The following RBFOX2 variants were observed in gnomAD, a reference collection of about 807,000 sequenced individuals.
RBFOX2 encodes RNA binding fox-1 homolog 2, also known as RNA binding protein fox-1 homolog 2.
In RBFOX2, 10 loss-of-function variants were observed where a neutral mutation model predicts 49.1. The ratio of observed to expected loss-of-function variants is 0.20; its 90% CI spans 0.13 to 0.35. The LOEUF (loss-of-function observed/expected upper bound fraction) is 0.35. Ranked by LOEUF, RBFOX2 falls within the 10% of genes least tolerant of loss-of-function variation. The pLI, the probability that RBFOX2 is intolerant of heterozygous loss-of-function variation, is 1.00. For missense variants in RBFOX2, 323 were observed against 486.9 expected (o/e 0.66, Z 3.17); for synonymous variants, 183 against 187.4 (o/e 0.98, Z 0.19).
chr22:35,928,275 C>G (rs1376524984), intron 1 of RBFOX2, among the ~76,000 whole-genome samples: 1 of 152,054 alleles, frequency 6.6e-6, no homozygotes, highest in Non-Finnish European at 1.5e-5. Flanking sequence ...GTCTGTCTGT[C>G]TGTCTGCAGA....
chr22:35,828,747 A>G (rs1956241278), intron 1 of RBFOX2, among the ~76,000 whole-genome samples: 2 of 152,248 alleles, frequency 1.3e-5, no homozygotes, highest in South Asian at 4.1e-4. Flanking sequence ...CCTGTCTAAC[A>G]AAGCTTAAAA....
At chr22:35,764,546 G>C (rs565299077) in intron 6 of RBFOX2, among the ~76,000 whole-genome samples, 30 of 148,152 alleles carry the variant, frequency 2.0e-4, no homozygotes, top group African/African-American at 4.0e-4. Context: ...GATTGCGCCA[G>C]TGCACTCCAG....
chr22:35,795,204 T>C (rs1460164780), intron 2 of RBFOX2, among the ~76,000 whole-genome samples: 1 of 152,112 alleles, frequency 6.6e-6, no homozygotes, highest in Non-Finnish European at 1.5e-5. Flanking sequence ...ACAGGATATA[T>C]ATATTTTATG....
chr22:35,914,331 C>G (rs577208381), intron 1 of RBFOX2, among the ~76,000 whole-genome samples: 1 of 152,268 alleles, frequency 6.6e-6, no homozygotes, highest in African/African-American at 2.4e-5. Context: ...AATGCTTTTC[C>G]CCTAAACCTC....
At position 35,877,295 on chromosome 22, in the gene RBFOX2, GA is replaced by G. The variant is rs369695710; in HGVS notation, c.-34+61551del. Among the ~76,000 whole-genome samples, 340 of 151,768 alleles carry G rather than the reference GA, an allele frequency of 2.2e-3. 3 individuals are homozygous for G. Among genetic ancestry groups the G allele is most frequent in the Middle Eastern group, 0.01 (3 of 292 alleles). On this transcript the variant is annotated intron_variant, in intron 1 of 13. Transcript: ENST00000359369. ...AAGGACAGGAAGGGAGAAAGGAAGA[GA>G]AAAAAAAGAGGGGAAAATGTGGATA...
chr22:35,807,449 G>A (rs1421131736), intron 2 of RBFOX2, among the ~76,000 whole-genome samples: 1 of 151,820 alleles, frequency 6.6e-6, no homozygotes, highest in Non-Finnish European at 1.5e-5. Context: ...AAAGAAATTT[G>A]GGGGAAATCC....
intron 1 of RBFOX2, among the ~76,000 whole-genome samples, chr22:36,016,434 G>C (rs2146455997): frequency 6.6e-6 from 1 of 151,942 alleles, no homozygotes; most frequent in African/African-American, 2.4e-5. Context: ...CTTTGCTTGT[G>C]GTATTTCCAG....
intron 2 of RBFOX2, among the ~76,000 whole-genome samples, chr22:35,784,725 T>C (rs1421964322): frequency 1.3e-5 from 2 of 152,252 alleles, no homozygotes; most frequent in Non-Finnish European, 2.9e-5. Flanking sequence ...ATGCAGTCGA[T>C]GATGCCCTTC....
intron 1 of RBFOX2, among the ~76,000 whole-genome samples, chr22:35,917,079 A>G (rs962315062): frequency 3.9e-5 from 6 of 152,218 alleles, no homozygotes; most frequent in Admixed American, 6.5e-5. Context: ...CCATCCCATC[A>G]TGAATGGTAA....
chr22:35,774,381 A>G (rs538983598), intron 4 of RBFOX2, among the ~76,000 whole-genome samples: 2 of 152,258 alleles, frequency 1.3e-5, no homozygotes, highest in East Asian at 3.9e-4. Flanking sequence ...TATATGAATA[A>G]ATTAGTTAAT....
rs546471336 is a variant in RBFOX2, at chr22:35,855,483, T to C, written c.-33-45479A>G. Among the ~76,000 whole-genome samples, 349 of 152,240 alleles carry C rather than the reference T, an allele frequency of 2.3e-3. 3 individuals carry two copies. The highest frequency in any genetic ancestry group is 7.9e-3 in the African/African-American group (328 of 41,564). On this transcript the variant is annotated intron_variant, in intron 1 of 13. Transcript: ENST00000359369. Reference sequence around the variant, plus strand: ...GTGCTATGGCACAATCTCAGCTCACTGCAACCTCTGCCTTCTAGGTTCAAG... The same window carrying C: ...GTGCTATGGCACAATCTCAGCTCACCGCAACCTCTGCCTTCTAGGTTCAAG...
chr22:36,012,160 G>A (rs775072496), intron 1 of RBFOX2, among the ~76,000 whole-genome samples: 11 of 152,154 alleles, frequency 7.2e-5, no homozygotes, highest in Non-Finnish European at 1.3e-4. Context: ...CAGCTGTCAG[G>A]TAACAGGTAA....
At chr22:35,959,414 C>T (rs1238669303) in intron 1 of RBFOX2, among the ~76,000 whole-genome samples, 4 of 152,198 alleles carry the variant, frequency 2.6e-5, no homozygotes, top group Non-Finnish European at 5.9e-5. Flanking sequence ...TATCTATACA[C>T]TGGTTTAGCC....
In RBFOX2 at chr22:35,937,436, T is replaced by C. The variant is rs543890706; in HGVS notation, c.-34+1411A>G. 8.5e-5 allele frequency among the ~76,000 whole-genome samples: 13 copies of C among 152,266 alleles called. No homozygotes were observed. In the South Asian group the frequency reaches 1.9e-3, roughly 22 times the overall value. ...AACACAGAGCTAACAACACTTCTTC[T>C]CCCGATGCCTTATCTGGGGCCACTC... On this transcript the variant is annotated intron_variant, in intron 1 of 13. Transcript: ENST00000359369.
intron 1 of RBFOX2, among the ~76,000 whole-genome samples, chr22:35,837,572 C>T (rs1050897876): frequency 1.6e-4 from 24 of 152,062 alleles, no homozygotes; most frequent in African/African-American, 5.8e-4. Flanking sequence ...AAGACTTGGC[C>T]CAGCTGGTTA....
intron 1 of RBFOX2, among the ~76,000 whole-genome samples, chr22:36,015,400 C>T (rs1405921525): frequency 6.6e-6 from 1 of 152,164 alleles, no homozygotes; most frequent in Non-Finnish European, 1.5e-5. Context: ...CTACCAACTC[C>T]CTGTAAGCTT....
rs537601221 is a variant in RBFOX2 at position 35,776,546 on chromosome 22, T to C, written c.453+1479A>G. ...AGTGTACAGATGGGGACAGGAGGTA[T>C]ATAAACTCTGTTATCAATTCCCAAA... On this transcript the variant is annotated intron_variant, in intron 4 of 11. Coordinates refer to ENST00000405409, the Ensembl canonical transcript of RBFOX2. Among the ~76,000 whole-genome samples, 11 of 152,330 alleles carry C rather than the reference T, an allele frequency of 7.2e-5. No homozygotes were observed. In the South Asian group the frequency reaches 2.3e-3, roughly 32 times the overall value.
At chr22:35,849,929 C>G (rs1363885200) in intron 1 of RBFOX2, among the ~76,000 whole-genome samples, 1 of 152,124 alleles carries the variant, frequency 6.6e-6, no homozygotes, top group African/African-American at 2.4e-5. Context: ...TTTAAATTGA[C>G]AACTCAACCA....
At chr22:35,933,939 T>C (rs2052729243) in intron 1 of RBFOX2, among the ~76,000 whole-genome samples, 1 of 119,736 alleles carries the variant, frequency 8.4e-6, no homozygotes, top group African/African-American at 3.4e-5. Flanking sequence ...TATATATATA[T>C]ATATATATAT....
Sources: gnomAD v4.1 joint callset for allele counts (sites outside exome capture counted in the v4.1 genomes callset) on GRCh38, gnomAD v4.1.1 for gene constraint, MANE v1.5 for transcripts, NCBI Gene and HGNC (gene_info 2026-07-23, HGNC 2026-07-21) for gene names.